The following PRKAB1 variants were observed in gnomAD, a reference collection of about 807,000 sequenced individuals.
The protein encoded by PRKAB1 is protein kinase AMP-activated non-catalytic subunit beta 1.
PRKAB1 carries 18 observed loss-of-function variants against 32.0 expected under a neutral mutation model. The observed-to-expected ratio is 0.56, with a 90% CI of 0.39 to 0.83. The LOEUF is 0.83. PRKAB1 is among the 40% of genes least tolerant of loss of function. The pLI, the probability that PRKAB1 is intolerant of heterozygous loss-of-function variation, is 0.00. For missense variants in PRKAB1, 263 were observed against 352.6 expected, an observed-to-expected ratio of 0.75 and a Z score of 2.03; for synonymous variants, 141 against 141.4, an observed-to-expected ratio of 1.00 and a Z score of 0.02.
intron 1 of PRKAB1, among the ~76,000 whole-genome samples, chr12:119,670,653 G>A (rs1051701014): frequency 9.2e-5 from 14 of 152,312 alleles, no homozygotes; most frequent in African/African-American, 3.4e-4. Context: ...AACTCCTCCA[G>A]GAAATGTTGA....
At chr12:119,668,465 C>T in intron 1 of PRKAB1, 62 bp downstream of exon 1, 4 of 1,576,850 alleles carry the variant, frequency 2.5e-6, no homozygotes, top group Non-Finnish European at 3.4e-6. Flanking sequence ...GAACCCTCCA[C>T]TAGATTCCCG....
chr12:119,667,989 G>T (rs1955350436), upstream of PRKAB1: 2 of 486,512 alleles, frequency 4.1e-6, no homozygotes, highest in South Asian at 3.1e-5. Context: ...AAGCGGTTGG[G>T]AAAGTGTCGG....
At chr12:119,668,128 G>T (rs1263056211), upstream of PRKAB1, 2 of 1,258,976 alleles carry the variant, frequency 1.6e-6, no homozygotes, top group Non-Finnish European at 1.0e-6. Context: ...GTGTCCTGGT[G>T]CTCCGACTCC....
Position 119,679,960 on chromosome 12 carries a change from A to C in PRKAB1, c.694A>C (p.Asn232His). ...SCDPALLPEPNHVMLNHLYAL... is the reference protein window; with the variant it reads ...SCDPALLPEPHHVMLNHLYAL... ...TGATCCAGCTTTGCTTCCTGAGCCC[A>C]ATCACGTCATGCTGAACCACCTATA... Residue 232 changes from asparagine (N) to histidine (H), a missense_variant, in exon 6 of 7, where the codon AAT (asparagine) becomes CAT (histidine). Coordinates refer to ENST00000229328, the MANE Select transcript of PRKAB1 (RefSeq NM_006253.5). This position sits in a 1 kb window ranked among gnomAD's most constrained non-coding sequence, Gnocchi z 4.1. The C allele has an allele frequency of 2.5e-6, 4 of 1,614,184 alleles. No homozygotes were observed. Among genetic ancestry groups the C allele is most frequent in the Non-Finnish European group, 3.4e-6 (4 of 1,179,990 alleles).
chr12:119,672,045 A>G (rs897228768), intron 1 of PRKAB1, among the ~76,000 whole-genome samples: 1 of 152,212 alleles, frequency 6.6e-6, no homozygotes, highest in African/African-American at 2.4e-5. Flanking sequence ...AACTTCTTTA[A>G]TGACAACAAT....
chr12:119,673,233 AAAG>A (rs1955400036), intron 2 of PRKAB1, among the ~76,000 whole-genome samples: 1 of 152,182 alleles, frequency 6.6e-6, no homozygotes, highest in African/African-American at 2.4e-5. Flanking sequence ...TTGTCTCCAA[AAAG>A]AAAAGAAAAA....
rs770635579 is a variant in PRKAB1 at position 119,680,014 on chromosome 12, C to G, written c.735+13C>G. On this transcript the variant is annotated intron_variant, in intron 6 of 6. Coordinates refer to ENST00000229328, the MANE Select transcript of PRKAB1 (RefSeq NM_006253.5). ...GCTGTCTATCAAGGTAATGACATGTCTGTCCCCATGAGAGCTGTGTTGCCC... is the reference window on the plus strand; with the variant it reads ...GCTGTCTATCAAGGTAATGACATGTGTGTCCCCATGAGAGCTGTGTTGCCC... 9.3e-6 allele frequency: 15 copies of G among 1,609,492 alleles called. No individual in the cohort carries two copies. In the South Asian group the frequency reaches 1.4e-4, roughly 15 times the overall value.
rs770171767 is a variant in PRKAB1, at chr12:119,676,656, G to A, written c.652G>A (p.Asp218Asn). ...PHLLQVILNK[D>N]TGISCDPALL... ...TCTCCTCCAGGTCATCCTGAACAAG[G>A]ACACGGGGATTTCCGTAAGTATGTG... The change falls in exon 5 of 7, where the codon GAC (aspartate) becomes AAC (asparagine). Residue 218 changes from aspartate (D) to asparagine (N), a missense_variant. By Grantham distance (23) the Asp-to-Asn change is conservative (BLOSUM62 1). Transcript: ENST00000229328. 6.2e-7 allele frequency: 1 copy of A among 1,613,748 alleles called. No individual in the cohort carries two copies. The highest frequency in any genetic ancestry group is 1.1e-5 in the South Asian group (1 of 91,042).
Position 119,668,317 on chromosome 12 carries a change from T to C in PRKAB1, c.73T>C (p.Ser25Pro), listed in dbSNP as rs78433950. Residue 25 changes from serine (S) to proline (P), a missense_variant, in exon 1 of 7, where the codon TCG (serine) becomes CCG (proline). Coordinates refer to ENST00000229328, the MANE Select transcript of PRKAB1 (RefSeq NM_006253.5). Reference protein sequence around the residue: ...GGHKTPRRDSSGGTKDGDRPK... With the variant: ...GGHKTPRRDSPGGTKDGDRPK... The stretch of plus-strand genomic sequence containing the variant: ...CCATAAGACGCCCCGGAGGGACAGC[T>C]CGGGGGGCACCAAGGACGGGGACAG... 1,097 of 1,613,038 alleles carry C rather than the reference T, an allele frequency of 6.8e-4. 4 individuals are homozygous for C. The African/African-American group carries it at 0.013, about 18-fold the overall frequency.
chr12:119,668,412 G>T lies in PRKAB1; in HGVS notation c.159+9G>T, dbSNP rs1212945031. On this transcript the variant is annotated intron_variant, in intron 1 of 6. Coordinates refer to ENST00000229328, the MANE Select transcript of PRKAB1 (RefSeq NM_006253.5). ...ACTCCGAGGAAATCAAGGTGCGAGC[G>T]GTGTGGAGGAACCCGATTCCCCTTG... 2 of 1,611,600 alleles carry T rather than the reference G, an allele frequency of 1.2e-6. No homozygotes were observed. Among genetic ancestry groups the T allele is most frequent in the African/African-American group, 1.3e-5 (1 of 74,776 alleles).
At chr12:119,675,163 G>T (rs1256869758) in intron 4 of PRKAB1, among the ~76,000 whole-genome samples, 1 of 152,218 alleles carries the variant, frequency 6.6e-6, no homozygotes, top group Non-Finnish European at 1.5e-5. Context: ...GGAGGCGGGG[G>T]CTTAACAATT....
At position 119,681,584 on chromosome 12, in the gene PRKAB1, T is replaced by G. The variant is rs1023892850; in HGVS notation, c.*1259T>G. 6.6e-6 allele frequency: 1 copy of G among 152,226 alleles called. No homozygotes were observed. Among genetic ancestry groups the G allele is most frequent in the Non-Finnish European group, 1.5e-5 (1 of 68,040 alleles). 9.4% of individuals were successfully genotyped at this position (152,226 alleles called of 1,614,324 possible). ...TCAAAACAGTGAATTACTGTCACCTTGATGGACAAGTTTCAATAAAACTTT... is the reference window on the plus strand; with the variant it reads ...TCAAAACAGTGAATTACTGTCACCTGGATGGACAAGTTTCAATAAAACTTT... On this transcript the variant is annotated 3_prime_UTR_variant, in exon 7 of 7. Transcript: ENST00000229328.
At chr12:119,671,285 A>G (rs1300983931) in intron 1 of PRKAB1, among the ~76,000 whole-genome samples, 1 of 152,252 alleles carries the variant, frequency 6.6e-6, no homozygotes. Flanking sequence ...TGACAGGGAC[A>G]TATTCTGAGA....
chr12:119,674,081 C>T lies in PRKAB1; in HGVS notation c.417+24C>T. The stretch of plus-strand genomic sequence containing the variant: ...AGGTACTCTTCCTCCCACCTCTGGT[C>T]CTCTGGGTGCCCGCACATTCCAAAC... On this transcript the variant is annotated intron_variant, in intron 3 of 6. Transcript: ENST00000229328. This position sits in a 1 kb window ranked among gnomAD's most constrained non-coding sequence, Gnocchi z 4.3. 2 of 1,592,670 alleles carry T rather than the reference C, an allele frequency of 1.3e-6. No homozygotes were observed. Among genetic ancestry groups the T allele is most frequent in the Non-Finnish European group, 1.7e-6 (2 of 1,163,142 alleles).
In PRKAB1 at chr12:119,680,680, C is replaced by T; in HGVS notation, c.*355C>T. On this transcript the variant is annotated 3_prime_UTR_variant, in exon 7 of 7. Coordinates refer to ENST00000229328, the MANE Select transcript of PRKAB1 (RefSeq NM_006253.5). Reference sequence around the variant, plus strand: ...TTCTTAAGCCAAAAATGAATGCTAACTCCTTTGCCAGTAAAATTCTGGGAA... The same window carrying T: ...TTCTTAAGCCAAAAATGAATGCTAATTCCTTTGCCAGTAAAATTCTGGGAA... 4.4e-6 allele frequency: 1 copy of T among 229,778 alleles called. No homozygotes were observed. Among genetic ancestry groups the T allele is most frequent in the Non-Finnish European group, 8.6e-6 (1 of 115,736 alleles). The allele number at this position is 229,778 out of a possible 1,614,324, so 14.2% of individuals were successfully genotyped here. A position where few individuals can be genotyped will look rare whatever the true frequency, so the allele number is the denominator to read the frequency against.
At chr12:119,676,771 A>G in intron 5 of PRKAB1, 101 bp downstream of exon 5, 1 of 1,429,304 alleles carries the variant, frequency 7.0e-7, no homozygotes. Flanking sequence ...GAGCAAGCTC[A>G]GTGTCACCCC....
Position 119,674,427 on chromosome 12 carries a change from G to C in PRKAB1, c.505G>C (p.Asp169His). 6.2e-7 allele frequency: 1 copy of C among 1,613,936 alleles called. No individual in the cohort carries two copies. Among genetic ancestry groups the C allele is most frequent in the Non-Finnish European group, 8.5e-7 (1 of 1,179,808 alleles). Residue 169 changes from aspartate to histidine, a missense_variant, in exon 4 of 7, where the codon GAT becomes CAT. Transcript: ENST00000229328. The surrounding 1 kb of genome is among the most constrained non-coding windows in gnomAD (Gnocchi z 4.3). ...DFEVFDALMVDSQKCSDVSEL... is the reference protein window; with the variant it reads ...DFEVFDALMVHSQKCSDVSEL... Reference sequence around the variant, plus strand: ...TGAAGTATTTGATGCTTTAATGGTGGATTCCCAAAAGTGCTCCGATGTGTC... The same window carrying C: ...TGAAGTATTTGATGCTTTAATGGTGCATTCCCAAAAGTGCTCCGATGTGTC...
chr12:119,668,059 G>C, upstream of PRKAB1: 1 of 682,944 alleles, frequency 1.5e-6, no homozygotes, highest in East Asian at 3.4e-5. Context: ...AAGCGCGATT[G>C]CGAGAGCTCG....
At position 119,676,712 on chromosome 12, in the gene PRKAB1, A is replaced by G. The variant is rs757355653; in HGVS notation, c.666+42A>G. 7.0e-5 allele frequency: 112 copies of G among 1,599,460 alleles called. No homozygotes were observed. In the South Asian group the frequency reaches 1.2e-3, roughly 17 times the overall value. The stretch of plus-strand genomic sequence containing the variant: ...CTGCCCGGACCATCCGCCGTGGGTC[A>G]TGTTCAGTTGCTTTCTTTCCTGTGT... On this transcript the variant is annotated intron_variant, in intron 5 of 6. Transcript: ENST00000229328.
Sources: gnomAD v4.1 joint callset for allele counts (sites outside exome capture counted in the v4.1 genomes callset) on GRCh38, gnomAD v4.1.1 for gene constraint, Gnocchi (gnomAD v3.1) non-coding constraint, MANE v1.5 for transcripts, NCBI Gene and HGNC (gene_info 2026-07-23, HGNC 2026-07-21) for gene names.